Variants in KIF2A observed in about 807,000 individuals in gnomAD.
KIF2A encodes kinesin-like protein KIF2A.
A neutral mutation model predicts 100.2 loss-of-function variants in KIF2A; 22 were observed. The observed-to-expected ratio is 0.22, with a 90% CI of 0.16 to 0.31. The LOEUF is 0.31. KIF2A is among the 10% of genes least tolerant of loss of function. KIF2A has a pLI of 1.00. For synonymous variants in KIF2A, 268 were observed against 285.9 expected, an observed-to-expected ratio of 0.94 and a Z score of 0.63; for missense variants, 495 against 898.7, an observed-to-expected ratio of 0.55 and a Z score of 5.74.
intron 1 of KIF2A, among the ~76,000 whole-genome samples, chr5:62,317,248 G>A (rs932098427): frequency 2.6e-5 from 4 of 152,034 alleles, no homozygotes; most frequent in Non-Finnish European, 5.9e-5. Flanking sequence ...GGGTTTCTCC[G>A]TGTTGGTCAG....
intron 4 of KIF2A, among the ~76,000 whole-genome samples, chr5:62,350,333 A>G (rs1215320628): frequency 6.6e-6 from 1 of 151,686 alleles, no homozygotes; most frequent in African/African-American, 2.4e-5. Flanking sequence ...TCTAGAGTAC[A>G]TTGGCATGAA....
intron 16 of KIF2A, among the ~76,000 whole-genome samples, chr5:62,368,433 A>C (rs1288319366): frequency 6.6e-6 from 1 of 152,124 alleles, no homozygotes; most frequent in African/African-American, 2.4e-5. Flanking sequence ...GACAATATCA[A>C]CCTATTGAGC....
chr5:62,343,381 T>A (rs1747397901), intron 1 of KIF2A, among the ~76,000 whole-genome samples: 1 of 152,176 alleles, frequency 6.6e-6, no homozygotes, highest in African/African-American at 2.4e-5. Flanking sequence ...ACATTTAAGT[T>A]TGTGACCCAT....
At chr5:62,318,266 A>G (rs1443958959) in intron 1 of KIF2A, among the ~76,000 whole-genome samples, 1 of 152,152 alleles carries the variant, frequency 6.6e-6, no homozygotes, top group Non-Finnish European at 1.5e-5. Context: ...TATTTTTAGT[A>G]GAGATGGGGT....
At chr5:62,384,662 G>A (rs1378973088) in intron 20 of KIF2A, among the ~76,000 whole-genome samples, 2 of 152,172 alleles carry the variant, frequency 1.3e-5, no homozygotes, top group Admixed American at 6.6e-5. Flanking sequence ...TAATTTGTCT[G>A]ACAATTTACT....
intron 16 of KIF2A, among the ~76,000 whole-genome samples, chr5:62,367,203 A>G (rs751701169): frequency 6.6e-6 from 1 of 152,026 alleles, no homozygotes; most frequent in Non-Finnish European, 1.5e-5. Flanking sequence ...AATGCTCTAT[A>G]TGGGGAATCT....
intron 1 of KIF2A, among the ~76,000 whole-genome samples, chr5:62,346,657 T>C (rs925425498): frequency 6.6e-6 from 1 of 152,162 alleles, no homozygotes; most frequent in Non-Finnish European, 1.5e-5. Flanking sequence ...CAAGAATCAC[T>C]TGAACCCAGG....
Position 62,361,238 on chromosome 5 carries a change from T to C in KIF2A, c.873-4T>C. The stretch of plus-strand genomic sequence containing the variant: ...CATTCTGACTGATGCATTTTATTTT[T>C]AAGGTTTACTGCTAGACCACTAGTG... On this transcript the variant is annotated splice_region_variant and splice_polypyrimidine_tract_variant and intron_variant, in intron 9 of 20. Coordinates refer to ENST00000407818, the MANE Select transcript of KIF2A (RefSeq NM_001098511.3). 6.4e-7 allele frequency: 1 copy of C among 1,563,128 alleles called. No homozygotes were observed. Among genetic ancestry groups the C allele is most frequent in the Non-Finnish European group, 8.8e-7 (1 of 1,142,590 alleles).
intron 12 of KIF2A, 56 bp from the exon 13 acceptor site, chr5:62,363,122 C>A: frequency 6.9e-7 from 1 of 1,450,726 alleles, no homozygotes; most frequent in Non-Finnish European, 9.4e-7. Context: ...GCCATTGCAC[C>A]TAGCCTGTTT....
chr5:62,381,026 CTT>C (rs1741752748), intron 19 of KIF2A, 90 bp from the exon 20 acceptor site: 1 of 916,964 alleles, frequency 1.1e-6, no homozygotes, highest in Non-Finnish European at 1.7e-6. Flanking sequence ...AGAATACTAT[CTT>C]AAGTATGTTT....
At chr5:62,369,559 A>G (rs1263185082) in intron 16 of KIF2A, among the ~76,000 whole-genome samples, 1 of 152,230 alleles carries the variant, frequency 6.6e-6, no homozygotes, top group African/African-American at 2.4e-5. Flanking sequence ...GGGGACAGAA[A>G]GCCTAACCAT....
rs933089046 is a variant in KIF2A at position 62,387,646 on chromosome 5, A to G, written c.*2077A>G. The G allele has an allele frequency of 6.6e-6, 1 of 152,200 alleles. No homozygotes were observed. Among genetic ancestry groups the G allele is most frequent in the Non-Finnish European group, 1.5e-5 (1 of 68,032 alleles). 9.4% of individuals were successfully genotyped at this position (152,200 alleles called of 1,614,324 possible). Reference sequence around the variant, plus strand: ...CTCAGCAGTTCATAGGGGTAGAGGGAAATAACCTGAGAAAGCCGAGTTAAA... The same window carrying G: ...CTCAGCAGTTCATAGGGGTAGAGGGGAATAACCTGAGAAAGCCGAGTTAAA... On this transcript the variant is annotated 3_prime_UTR_variant, in exon 21 of 21. Transcript: ENST00000407818.
rs998203306 is a variant in KIF2A, at chr5:62,386,590, C to T, written c.*1021C>T. Among the ~76,000 whole-genome samples the T allele has an allele frequency of 6.6e-6, 1 of 152,142 alleles. No individual in the cohort carries two copies. The highest frequency in any genetic ancestry group is 2.4e-5 in the African/African-American group (1 of 41,428). Reference sequence around the variant, plus strand: ...CATTTACATGTACATTGAAAGTAGTCCATAATAGAAGTTAGTTTAAGCCAA... The same window carrying T: ...CATTTACATGTACATTGAAAGTAGTTCATAATAGAAGTTAGTTTAAGCCAA... On this transcript the variant is annotated 3_prime_UTR_variant, in exon 21 of 21. Coordinates refer to ENST00000407818, the MANE Select transcript of KIF2A (RefSeq NM_001098511.3).
intron 13 of KIF2A, 46 bp from the exon 14 acceptor site, chr5:62,363,649 A>T: frequency 6.6e-7 from 1 of 1,506,706 alleles, no homozygotes; most frequent in Non-Finnish European, 9.2e-7. Flanking sequence ...TTGAACATGT[A>T]AATTGAAGTT....
At position 62,362,478 on chromosome 5, in the gene KIF2A, G is replaced by A; in HGVS notation, c.1056G>A (p.Lys352=). 1 of 1,463,754 alleles carries A rather than the reference G, an allele frequency of 6.8e-7. No individual in the cohort carries two copies. Among genetic ancestry groups the A allele is most frequent in the Admixed American group, 2.6e-5 (1 of 38,318 alleles). The allele number at this position is 1,463,754 out of a possible 1,614,324, so 90.7% of individuals were successfully genotyped here. A position where few individuals can be genotyped will look rare whatever the true frequency, so the allele number is the denominator to read the frequency against. The change falls in exon 12 of 21, where the codon AAG becomes AAA. Residue 352 remains lysine, a synonymous_variant. Coordinates refer to ENST00000407818, the MANE Select transcript of KIF2A (RefSeq NM_001098511.3). ...AARDVFLMLK[K]PNYKKLELQV... ...GAGATGTCTTTTTAATGCTAAAGAA[G>A]CCAAACTATAAGAAGCTAGAACTTC... is the stretch of plus-strand genomic sequence containing the variant.
At chr5:62,333,633 T>G (rs1451211262) in intron 1 of KIF2A, among the ~76,000 whole-genome samples, 1 of 152,076 alleles carries the variant, frequency 6.6e-6, no homozygotes, top group Non-Finnish European at 1.5e-5. Context: ...CACAAGGAGC[T>G]CCCGTTATGG....
At chr5:62,341,137 A>G (rs1747270627) in intron 1 of KIF2A, among the ~76,000 whole-genome samples, 1 of 152,206 alleles carries the variant, frequency 6.6e-6, no homozygotes, top group Non-Finnish European at 1.5e-5. Flanking sequence ...AGATAAGGCA[A>G]CATAATTCTC....
intron 7 of KIF2A, among the ~76,000 whole-genome samples, chr5:62,356,624 T>A (rs141981958): frequency 6.6e-6 from 1 of 152,300 alleles, no homozygotes; most frequent in East Asian, 1.9e-4. Context: ...TATAAAATAG[T>A]TCAAATTATT....
At chr5:62,329,533 A>G (rs1042639491) in intron 1 of KIF2A, among the ~76,000 whole-genome samples, 17 of 152,242 alleles carry the variant, frequency 1.1e-4, no homozygotes, top group Non-Finnish European at 1.9e-4. Flanking sequence ...GGTCAGTGGC[A>G]CCTAGGAATA....
Sources: allele counts gnomAD v4.1 joint callset (sites outside exome capture counted in the v4.1 genomes callset), GRCh38; gene constraint gnomAD v4.1.1; transcripts MANE v1.5; gene names NCBI Gene and HGNC (gene_info 2026-07-23, HGNC 2026-07-21).